The following RANBP2 variants were observed in gnomAD, a reference collection of about 807,000 sequenced individuals.
The protein encoded by RANBP2 is E3 SUMO-protein ligase RanBP2.
A neutral mutation model predicts 303.6 loss-of-function variants in RANBP2; 57 were observed. The observed-to-expected ratio is 0.19, with a 90% confidence interval of 0.15 to 0.23. The LOEUF (loss-of-function observed/expected upper bound fraction) is 0.23. Ranked by LOEUF, RANBP2 falls within the 10% of genes least tolerant of loss-of-function variation. The pLI, the probability that RANBP2 is intolerant of heterozygous loss-of-function variation, is 1.00. For synonymous variants in RANBP2, 1,167 were observed against 1,301.5 expected (o/e 0.90, Z 2.23); for missense variants, 3,138 against 3,780.8 (o/e 0.83, Z 4.46).
chr2:109,188,856 CA>C, the RANBP2 span, among the ~76,000 whole-genome samples: 2 of 152,074 alleles, frequency 1.3e-5, no homozygotes, highest in African/African-American at 2.4e-5. Flanking sequence ...GTGCAGTTGC[CA>C]GGGGGAACGT....
the RANBP2 span, among the ~76,000 whole-genome samples, chr2:109,246,291 G>A: frequency 6.6e-6 from 1 of 152,198 alleles, no homozygotes; most frequent in Non-Finnish European, 1.5e-5. Flanking sequence ...TGGCAGATTC[G>A]ATGTCTGGTA....
chr2:109,118,087 A>G, the RANBP2 span, among the ~76,000 whole-genome samples: 1 of 152,218 alleles, frequency 6.6e-6, no homozygotes, highest in South Asian at 2.1e-4. Flanking sequence ...ACTGCAAGGC[A>G]CAAAGGCCTT....
the RANBP2 span, among the ~76,000 whole-genome samples, chr2:109,081,529 C>T: frequency 6.6e-6 from 1 of 152,178 alleles, no homozygotes; most frequent in African/African-American, 2.4e-5. Context: ...TAGGTCAAGC[C>T]TCCATCGTGC....
the RANBP2 span, among the ~76,000 whole-genome samples, chr2:109,085,029 A>G: frequency 9.5e-4 from 144 of 152,218 alleles, no homozygotes; most frequent in Non-Finnish European, 1.6e-3. Context: ...ACTGCGGGGG[A>G]CAGAGAATCA....
At chr2:109,521,069 T>A in the RANBP2 span, among the ~76,000 whole-genome samples, 1 of 151,342 alleles carries the variant, frequency 6.6e-6, no homozygotes, top group African/African-American at 2.4e-5. Context: ...TACAAAAAAT[T>A]AGCCGGGCGT....
At chr2:109,442,131 G>A in the RANBP2 span, among the ~76,000 whole-genome samples, 4 of 152,068 alleles carry the variant, frequency 2.6e-5, no homozygotes. Context: ...CTAACACAGT[G>A]AAACCCCGTC....
chr2:109,082,608 T>C, the RANBP2 span, among the ~76,000 whole-genome samples: 1 of 152,044 alleles, frequency 6.6e-6, no homozygotes, highest in African/African-American at 2.4e-5. Flanking sequence ...CTAGCACCCC[T>C]TTTTAAAACA....
the RANBP2 span, among the ~76,000 whole-genome samples, chr2:108,920,331 A>C: frequency 6.6e-6 from 1 of 152,168 alleles, no homozygotes; most frequent in Non-Finnish European, 1.5e-5. Flanking sequence ...AATGAAATCC[A>C]AGCCTGATGC....
the RANBP2 span, among the ~76,000 whole-genome samples, chr2:109,332,997 G>A: frequency 6.6e-6 from 1 of 152,246 alleles, no homozygotes; most frequent in Non-Finnish European, 1.5e-5. Context: ...AGCCTAGCCT[G>A]CTGGGTCATG....
At chr2:109,767,488 A>C in the RANBP2 span, among the ~76,000 whole-genome samples, 1 of 136,078 alleles carries the variant, frequency 7.3e-6, no homozygotes, top group African/African-American at 2.7e-5. Flanking sequence ...TGTGGGTCTC[A>C]TTAAATTATG....
the RANBP2 span, among the ~76,000 whole-genome samples, chr2:109,209,776 C>T: frequency 3.3e-5 from 5 of 152,286 alleles, no homozygotes; most frequent in East Asian, 9.6e-4. Context: ...ACCTCCTGTG[C>T]TTACTTGGTA....
the RANBP2 span, chr2:108,884,419 G>A: frequency 6.6e-6 from 1 of 152,214 alleles, no homozygotes; most frequent in African/African-American, 2.4e-5. Flanking sequence ...GACTGGAAGT[G>A]GAGCATCCTT....
the RANBP2 span, among the ~76,000 whole-genome samples, chr2:109,123,350 CCTT>C: frequency 6.6e-6 from 1 of 150,996 alleles, no homozygotes; most frequent in Non-Finnish European, 1.5e-5. Context: ...TTCCTTCCTT[CCTT>C]CCTTCCTTCC....
chr2:109,060,051 T>TAA, the RANBP2 span, among the ~76,000 whole-genome samples: 1 of 152,152 alleles, frequency 6.6e-6, no homozygotes, highest in Non-Finnish European at 1.5e-5. Flanking sequence ...AACCTGGACT[T>TAA]AGACATTTTG....
the RANBP2 span, chr2:109,545,926 G>A: frequency 6.9e-7 from 1 of 1,452,182 alleles, no homozygotes; most frequent in East Asian, 2.3e-5. Flanking sequence ...TCCAGGAGCT[G>A]ACATTTAGTT....
At chr2:109,147,326 A>G in the RANBP2 span, among the ~76,000 whole-genome samples, 4 of 152,114 alleles carry the variant, frequency 2.6e-5, no homozygotes, top group African/African-American at 9.7e-5. Context: ...GGGAACCTCA[A>G]ATGCTTTTGT....
At chr2:108,734,293 G>A (rs1695395062) in intron 4 of RANBP2, among the ~76,000 whole-genome samples, 1 of 152,116 alleles carries the variant, frequency 6.6e-6, no homozygotes, top group Non-Finnish European at 1.5e-5. Flanking sequence ...AGTTGAAAGT[G>A]AGGGTCAAAG....
chr2:109,446,435 G>T, the RANBP2 span, among the ~76,000 whole-genome samples: 1 of 152,160 alleles, frequency 6.6e-6, no homozygotes, highest in Non-Finnish European at 1.5e-5. Context: ...AGCCTCCAGC[G>T]AACATGTAAA....
the RANBP2 span, among the ~76,000 whole-genome samples, chr2:109,272,470 T>C: frequency 0.028 from 4,281 of 152,306 alleles, 108 homozygotes; most frequent in African/African-American, 0.072. Flanking sequence ...TCCTGGTGTG[T>C]GGGACGCAGG....
Sources: gnomAD v4.1 joint callset for allele counts (sites outside exome capture counted in the v4.1 genomes callset) on GRCh38, gnomAD v4.1.1 for gene constraint, MANE v1.5 for transcripts, NCBI Gene and HGNC (gene_info 2026-07-23, HGNC 2026-07-21) for gene names.